GABBR2: variants seen among roughly 807,000 people sequenced by gnomAD.
The protein encoded by GABBR2 is gamma-aminobutyric acid type B receptor subunit 2, also known as G-protein coupled receptor 51.
In GABBR2, 23 loss-of-function variants were observed where a neutral mutation model predicts 105.6. The observed-to-expected ratio is 0.22, with a 90% CI of 0.16 to 0.31. The LOEUF (loss-of-function observed/expected upper bound fraction) is 0.31, where lower values mean the gene tolerates loss of function less well. Ranked by LOEUF, GABBR2 falls within the 10% of genes least tolerant of loss-of-function variation. The probability of loss-of-function intolerance (pLI) is 1.00; values close to 1 mark genes in which losing one functional copy is unlikely to be tolerated. For synonymous variants in GABBR2, 478 were observed against 499.7 expected, an observed-to-expected ratio of 0.96 and a Z score of 0.58; for missense variants, 734 against 1,245.5, an observed-to-expected ratio of 0.59 and a Z score of 6.18.
rs572707397 is a variant in GABBR2 at position 98,315,658 on chromosome 9, C to A, written c.1894-4453G>T. On this transcript the variant is annotated intron_variant, in intron 13 of 18. Transcript: ENST00000259455. ...CCTGCAGGGGCAGGTGGGCTACCCA[C>A]CCCCCAACCCCCAGTGCTTCCTTGT... Among the ~76,000 whole-genome samples the A allele has an allele frequency of 3.9e-5, 6 of 152,306 alleles. No individual in the cohort carries two copies. In the South Asian group the frequency reaches 1.2e-3, roughly 32 times the overall value.
At chr9:98,372,945 T>C (rs1013855298) in intron 11 of GABBR2, among the ~76,000 whole-genome samples, 1 of 150,510 alleles carries the variant, frequency 6.6e-6, no homozygotes, top group Non-Finnish European at 1.5e-5. Context: ...TGCTTAGCCT[T>C]CTATTTTCTT....
At chr9:98,696,466 G>T (rs1334241841) in intron 1 of GABBR2, among the ~76,000 whole-genome samples, 1 of 152,196 alleles carries the variant, frequency 6.6e-6, no homozygotes, top group African/African-American at 2.4e-5. Context: ...CGCTGGACTG[G>T]TTTGCTGGGT....
intron 8 of GABBR2, among the ~76,000 whole-genome samples, chr9:98,401,089 CA>C (rs2131520593): frequency 6.6e-6 from 1 of 152,274 alleles, no homozygotes; most frequent in South Asian, 2.1e-4. Flanking sequence ...AGGAAGCCAA[CA>C]GTTGTTATGA....
In GABBR2 at chr9:98,568,306, G is replaced by T. The variant is rs549432631; in HGVS notation, c.459+9629C>A. 5.4e-4 allele frequency among the ~76,000 whole-genome samples: 82 copies of T among 152,292 alleles called. 3 individuals are homozygous for T. In the South Asian group the frequency reaches 0.016, roughly 30 times the overall value. ...TCTTTAGGGTACCACAGTCAAATGG[G>T]GGGGCAGAAATGGAGACAATGATGA... On this transcript the variant is annotated intron_variant, in intron 2 of 18. Transcript: ENST00000259455.
chr9:98,315,107 T>C (rs1469699448), intron 13 of GABBR2, among the ~76,000 whole-genome samples: 1 of 152,116 alleles, frequency 6.6e-6, no homozygotes, highest in African/African-American at 2.4e-5. Context: ...GCTGCTCCCC[T>C]TCCCCCGCAA....
At chr9:98,674,376 G>C (rs904245465) in intron 1 of GABBR2, among the ~76,000 whole-genome samples, 23 of 152,128 alleles carry the variant, frequency 1.5e-4, no homozygotes, top group African/African-American at 5.6e-4. Flanking sequence ...AACATCTGGG[G>C]GTGCCATAGG....
At chr9:98,374,308 T>C (rs889913685) in intron 11 of GABBR2, among the ~76,000 whole-genome samples, 1 of 152,244 alleles carries the variant, frequency 6.6e-6, no homozygotes, top group African/African-American at 2.4e-5. Context: ...AAATTTAATC[T>C]GGCATCTGGA....
intron 9 of GABBR2, among the ~76,000 whole-genome samples, chr9:98,390,842 T>C (rs113629292): frequency 1.1e-3 from 169 of 152,256 alleles, no homozygotes; most frequent in African/African-American, 3.9e-3. Context: ...TGGGGCCTAT[T>C]GTATAGAAAC....
chr9:98,405,433 C>CA (rs542306206), intron 8 of GABBR2, among the ~76,000 whole-genome samples: 1 of 152,090 alleles, frequency 6.6e-6, no homozygotes, highest in Non-Finnish European at 1.5e-5. Flanking sequence ...CCTTTCTCTA[C>CA]AAAAAACACC....
intron 1 of GABBR2, among the ~76,000 whole-genome samples, chr9:98,651,857 GA>G (rs1399760721): frequency 9.9e-5 from 15 of 152,148 alleles, no homozygotes; most frequent in African/African-American, 3.6e-4. Flanking sequence ...ACCCTGACTG[GA>G]TTTTTTTATA....
intron 2 of GABBR2, among the ~76,000 whole-genome samples, chr9:98,560,442 TAC>T (rs140755037): frequency 0.063 from 8,618 of 137,198 alleles, 484 homozygotes; most frequent in East Asian, 0.17. Flanking sequence ...CACACACACA[TAC>T]ACACACACAC....
At chr9:98,693,047 C>T (rs184239394) in intron 1 of GABBR2, among the ~76,000 whole-genome samples, 1 of 152,288 alleles carries the variant, frequency 6.6e-6, no homozygotes, top group African/African-American at 2.4e-5. Flanking sequence ...CCGGCGTGGC[C>T]TATGTTGATA....
At chr9:98,591,855 C>T (rs1417612177) in intron 1 of GABBR2, among the ~76,000 whole-genome samples, 1 of 152,036 alleles carries the variant, frequency 6.6e-6, no homozygotes, top group Non-Finnish European at 1.5e-5. Flanking sequence ...GTGACCCCCA[C>T]CTCATCTATG....
chr9:98,579,656 T>C (rs1000714765), intron 1 of GABBR2, among the ~76,000 whole-genome samples: 1 of 152,182 alleles, frequency 6.6e-6, no homozygotes, highest in Non-Finnish European at 1.5e-5. Flanking sequence ...AGTGAACACA[T>C]GTCAAAGTTT....
intron 1 of GABBR2, among the ~76,000 whole-genome samples, chr9:98,627,857 T>C (rs1829762421): frequency 6.6e-6 from 1 of 152,198 alleles, no homozygotes; most frequent in South Asian, 2.1e-4. Context: ...ATTTTACAGA[T>C]GAGAAGTTAA....
Position 98,362,801 on chromosome 9 carries a change from C to T in GABBR2, c.1807G>A (p.Gly603Ser), listed in dbSNP as rs765377198. 4 of 1,598,106 alleles carry T rather than the reference C, an allele frequency of 2.5e-6. No homozygotes were observed. The highest frequency in any genetic ancestry group is 1.1e-5 in the South Asian group (1 of 88,472). The change falls in exon 13 of 19, where the codon GGC becomes AGC. Residue 603 changes from glycine to serine, a missense_variant. By Grantham distance (56) the Gly-to-Ser change is moderately conservative. Coordinates refer to ENST00000259455, the MANE Select transcript of GABBR2 (RefSeq NM_005458.8). ...KDQKLLVIVGGMLLIDLCILI... is the reference protein window; with the variant it reads ...KDQKLLVIVGSMLLIDLCILI... ...ATACACAGGTCGATCAGCAGCATGCCCCCCACGATCACAAGCAGTTTCTGG... is the reference window on the plus strand; with the variant it reads ...ATACACAGGTCGATCAGCAGCATGCTCCCCACGATCACAAGCAGTTTCTGG...
chr9:98,331,302 G>A (rs142339534), intron 13 of GABBR2, among the ~76,000 whole-genome samples: 21 of 149,138 alleles, frequency 1.4e-4, no homozygotes, highest in African/African-American at 4.7e-4. Context: ...TCTGTTTAAC[G>A]TTTTCAGGAA....
intron 1 of GABBR2, among the ~76,000 whole-genome samples, chr9:98,621,265 G>A (rs1240340053): frequency 6.6e-6 from 1 of 152,184 alleles, no homozygotes; most frequent in Non-Finnish European, 1.5e-5. Flanking sequence ...GTTACAGAAG[G>A]AACCAGGACT....
At chr9:98,609,302 C>T (rs139871988) in intron 1 of GABBR2, among the ~76,000 whole-genome samples, 275 of 152,256 alleles carry the variant, frequency 1.8e-3, no homozygotes, top group Non-Finnish European at 3.3e-3. Flanking sequence ...ACCTCAGGTG[C>T]CCTACATCAC....
Sources: gnomAD v4.1 joint callset for allele counts (sites outside exome capture counted in the v4.1 genomes callset) on GRCh38, gnomAD v4.1.1 for gene constraint, MANE v1.5 for transcripts, NCBI Gene and HGNC (gene_info 2026-07-23, HGNC 2026-07-21) for gene names.